The following TTLL7 variants were observed in gnomAD, a reference collection of about 807,000 sequenced individuals.
TTLL7 encodes tubulin polyglutamylase TTLL7.
In TTLL7, 53 loss-of-function variants were observed where a neutral mutation model predicts 120.2. The ratio of observed to expected loss-of-function variants is 0.44; its 90% CI spans 0.35 to 0.55. TTLL7 has a LOEUF of 0.55. TTLL7 is among the 20% of genes least tolerant of loss of function. TTLL7 has a pLI of 0.00. For synonymous variants in TTLL7, 353 were observed against 351.7 expected (o/e 1.00, Z -0.04); for missense variants, 803 against 1,054.7 (o/e 0.76, Z 3.31).
intron 20 of TTLL7, among the ~76,000 whole-genome samples, chr1:83,878,192 T>G (rs1218252041): frequency 1.3e-5 from 2 of 151,732 alleles, no homozygotes; most frequent in Admixed American, 1.3e-4. Context: ...TTCTGTGAAA[T>G]TTGGGTTTGT....
chr1:83,952,409 G>A, intron 1 of TTLL7, 22 bp from the exon 2 acceptor site: 1 of 467,324 alleles, frequency 2.1e-6, no homozygotes, highest in Admixed American at 4.2e-5. Context: ...TTAAAACAAG[G>A]TCATTTAGAA....
chr1:83,919,632 G>A, intron 13 of TTLL7, 67 bp downstream of exon 13: 1 of 1,387,484 alleles, frequency 7.2e-7, no homozygotes, highest in Non-Finnish European at 9.6e-7. Flanking sequence ...GACCAAGGTG[G>A]CTTGTCTGTA....
Position 83,882,870 on chromosome 1 carries a change from G to C in TTLL7, c.2543+93C>G. On this transcript the variant is annotated intron_variant, in intron 20 of 20. Transcript: ENST00000260505. ...CTTTCAGTCTTTAGCTTTTTCTCTA[G>C]TCACATAAACAAAAAAACACTGTCA... 5 of 1,403,672 alleles carry C rather than the reference G, an allele frequency of 3.6e-6. No homozygotes were observed. The South Asian group carries it at 5.2e-5, about 15-fold the overall frequency. 87.0% of individuals were successfully genotyped at this position (1,403,672 alleles called of 1,614,324 possible). A position where few individuals can be genotyped will look rare whatever the true frequency, so the allele number is the denominator to read the frequency against.
intron 10 of TTLL7, among the ~76,000 whole-genome samples, chr1:83,925,253 A>G (rs1406758175): frequency 6.6e-6 from 1 of 152,172 alleles, no homozygotes; most frequent in Non-Finnish European, 1.5e-5. Context: ...CATGTTTAAA[A>G]CTGAATCATC....
intron 1 of TTLL7, among the ~76,000 whole-genome samples, chr1:83,965,803 T>A (rs1011845688): frequency 1.3e-5 from 2 of 152,128 alleles, no homozygotes; most frequent in Non-Finnish European, 2.9e-5. Flanking sequence ...TTCTTTCTCA[T>A]CAGCAGATCT....
intron 12 of TTLL7, among the ~76,000 whole-genome samples, chr1:83,920,345 T>A (rs966381667): frequency 6.6e-6 from 1 of 151,702 alleles, no homozygotes; most frequent in Non-Finnish European, 1.5e-5. Context: ...ACTGCAGGAG[T>A]GTTTTTACTT....
chr1:83,915,274 G>A (rs1037113346), intron 14 of TTLL7, among the ~76,000 whole-genome samples: 1 of 152,076 alleles, frequency 6.6e-6, no homozygotes, highest in African/African-American at 2.4e-5. Context: ...AAACAGCATG[G>A]TACTGGTACC....
At chr1:83,892,752 G>A (rs1303538275) in intron 18 of TTLL7, among the ~76,000 whole-genome samples, 1 of 151,496 alleles carries the variant, frequency 6.6e-6, no homozygotes, top group African/African-American at 2.4e-5. Flanking sequence ...GCGCATATGT[G>A]AACATATATA....
At chr1:83,959,542 G>T (rs1649830001) in intron 1 of TTLL7, among the ~76,000 whole-genome samples, 1 of 152,134 alleles carries the variant, frequency 6.6e-6, no homozygotes, top group South Asian at 2.1e-4. Context: ...AACAGCTCTG[G>T]TAAGTGGGAT....
intron 1 of TTLL7, among the ~76,000 whole-genome samples, chr1:83,998,022 T>C (rs1653643852): frequency 1.3e-5 from 2 of 152,254 alleles, no homozygotes; most frequent in Non-Finnish European, 2.9e-5. Context: ...CAGGTTGTTG[T>C]TGCTGTTGTT....
At chr1:83,973,568 A>G (rs1228362575) in intron 1 of TTLL7, among the ~76,000 whole-genome samples, 1 of 151,968 alleles carries the variant, frequency 6.6e-6, no homozygotes, top group Non-Finnish European at 1.5e-5. Flanking sequence ...TTGCCTTTCC[A>G]TAAAAATTTT....
chr1:83,906,450 C>T lies in TTLL7; in HGVS notation c.2006G>A (p.Arg669Gln), dbSNP rs140550431. 9.8e-5 allele frequency: 158 copies of T among 1,611,700 alleles called. No homozygotes were observed. The highest frequency in any genetic ancestry group is 3.3e-4 in the Middle Eastern group (2 of 6,038). ...TTCTTGTTCTTTTGTTTTCAGTTGC[C>T]GCAAAGACTCACTCTTAAATTTGAA... The part of the protein sequence containing the change: ...STNSQVSESL[R>Q]QLKTKEQEDD... Residue 669 changes from arginine (R) to glutamine (Q), a missense_variant, in exon 17 of 21, where the codon CGG becomes CAG. Transcript: ENST00000260505.
At chr1:83,983,926 C>T (rs1652203560) in intron 1 of TTLL7, 1 of 152,098 alleles carries the variant, frequency 6.6e-6, no homozygotes, top group African/African-American at 2.4e-5. Flanking sequence ...TTCATCTCTA[C>T]AAACTATAAA....
intron 8 of TTLL7, among the ~76,000 whole-genome samples, chr1:83,934,864 G>A (rs1189826184): frequency 6.6e-6 from 1 of 152,112 alleles, no homozygotes; most frequent in Non-Finnish European, 1.5e-5. Flanking sequence ...AAAGGTTAAT[G>A]TAAGAAAAAA....
In TTLL7 at chr1:83,868,792, G is replaced by C. The variant is rs1316226883; in HGVS notation, c.*1170C>G. 6.6e-6 allele frequency: 1 copy of C among 151,962 alleles called. No individual in the cohort carries two copies. Among genetic ancestry groups the C allele is most frequent in the Non-Finnish European group, 1.5e-5 (1 of 67,980 alleles). The allele number at this position is 151,962 out of a possible 1,614,324, so 9.4% of individuals were successfully genotyped here. ...AAAGATATACTTTCCAAATAAAAAT[G>C]AGTGGTATAAGACATAAAAGCCATA... is the stretch of plus-strand genomic sequence containing the variant. On this transcript the variant is annotated 3_prime_UTR_variant, in exon 21 of 21. Coordinates refer to ENST00000260505, the MANE Select transcript of TTLL7 (RefSeq NM_024686.6).
intron 1 of TTLL7, among the ~76,000 whole-genome samples, chr1:83,967,309 C>T (rs1011650773): frequency 7.5e-6 from 1 of 133,188 alleles, no homozygotes; most frequent in Non-Finnish European, 1.8e-5. Context: ...CTTTTGCCAA[C>T]TATGCCAACA....
chr1:83,963,989 T>G (rs1198404335), intron 1 of TTLL7, among the ~76,000 whole-genome samples: 1 of 152,158 alleles, frequency 6.6e-6, no homozygotes, highest in East Asian at 1.9e-4. Flanking sequence ...CCCTCAGTTG[T>G]GTGTATAACC....
chr1:83,922,260 AC>A (rs1283717080), intron 10 of TTLL7, among the ~76,000 whole-genome samples: 2 of 152,166 alleles, frequency 1.3e-5, no homozygotes, highest in Admixed American at 1.3e-4. Context: ...CCTTAAGCTT[AC>A]ATTTCCATGC....
intron 1 of TTLL7, among the ~76,000 whole-genome samples, chr1:83,991,989 A>C (rs1282854399): frequency 6.6e-6 from 1 of 152,136 alleles, no homozygotes; most frequent in Non-Finnish European, 1.5e-5. Flanking sequence ...TAGAATGAAA[A>C]ACCATATTCA....
Sources: gnomAD v4.1 joint callset for allele counts (sites outside exome capture counted in the v4.1 genomes callset) on GRCh38, gnomAD v4.1.1 for gene constraint, MANE v1.5 for transcripts, NCBI Gene and HGNC (gene_info 2026-07-23, HGNC 2026-07-21) for gene names.